The following PDE3A variants were observed in gnomAD, a reference collection of about 807,000 sequenced individuals.
PDE3A encodes cGMP-inhibited 3',5'-cyclic phosphodiesterase 3A.
In PDE3A, 43 loss-of-function variants were observed where a neutral mutation model predicts 98.3. The observed-to-expected ratio is 0.44, with a 90% CI of 0.34 to 0.56. The LOEUF (loss-of-function observed/expected upper bound fraction) is 0.56. Among genes scored for constraint, PDE3A ranks in the 20% least tolerant of loss-of-function variants. PDE3A has a pLI of 0.01. For missense variants in PDE3A, 1,427 were observed against 1,440.7 expected (o/e 0.99, Z 0.15); for synonymous variants, 663 against 567.9 (o/e 1.17, Z -2.38).
intron 1 of PDE3A, among the ~76,000 whole-genome samples, chr12:20,383,570 T>C (rs1353711030): frequency 6.6e-6 from 1 of 152,012 alleles, no homozygotes; most frequent in East Asian, 1.9e-4. Flanking sequence ...TTTCCACTTA[T>C]TGAATGATCT....
intron 15 of PDE3A, among the ~76,000 whole-genome samples, chr12:20,679,087 G>C (rs560381900): frequency 4.2e-4 from 64 of 152,276 alleles, no homozygotes; most frequent in African/African-American, 1.5e-3. Context: ...AAATCTGATG[G>C]AGTCTTTAAA....
Position 20,615,506 on chromosome 12 carries a change from G to T in PDE3A, c.1270-724G>T, listed in dbSNP as rs1943982358. Among the ~76,000 whole-genome samples the T allele has an allele frequency of 2.0e-5, 3 of 151,996 alleles. 1 individual carries two copies. The South Asian group carries it at 6.2e-4, about 32-fold the overall frequency. ...GATAATAAAGTCAATAATACTTGGGGGTATGACTGTGGTGCAAGGTGATAT... is the reference window on the plus strand; with the variant it reads ...GATAATAAAGTCAATAATACTTGGGTGTATGACTGTGGTGCAAGGTGATAT... On this transcript the variant is annotated intron_variant, in intron 3 of 15. Coordinates refer to ENST00000359062, the MANE Select transcript of PDE3A (RefSeq NM_000921.5).
chr12:20,437,268 C>T (rs1294960759), intron 1 of PDE3A, among the ~76,000 whole-genome samples: 1 of 152,058 alleles, frequency 6.6e-6, no homozygotes, highest in Non-Finnish European at 1.5e-5. Flanking sequence ...TTGTTATGGC[C>T]AGCATTTGGG....
At chr12:20,425,378 T>A (rs1944586728) in intron 1 of PDE3A, among the ~76,000 whole-genome samples, 1 of 152,324 alleles carries the variant, frequency 6.6e-6, no homozygotes. Flanking sequence ...TTAAAGAGAA[T>A]ATTTCACCTT....
In PDE3A at chr12:20,541,075, C is replaced by CTTTTTT. The variant is rs777927679; in HGVS notation, c.961-15551_961-15546dup. 2.3e-3 allele frequency among the ~76,000 whole-genome samples: 124 copies of CTTTTTT among 52,980 alleles called. 29 individuals are homozygous for CTTTTTT. Among genetic ancestry groups the CTTTTTT allele is most frequent in the East Asian group, 7.7e-3 (10 of 1,294 alleles). The allele number at this position is 52,980 out of a possible 152,430, so 34.8% of individuals were successfully genotyped here. A position where few individuals can be genotyped will look rare whatever the true frequency, so the allele number is the denominator to read the frequency against. On this transcript the variant is annotated intron_variant, in intron 1 of 15. Transcript: ENST00000359062. ...AATTGACAAGGACATTGGTAACTTT[C>CTTTTTT]TTTTTTTTTTTTTTTTTTTTTTTTT...
intron 1 of PDE3A, among the ~76,000 whole-genome samples, chr12:20,397,409 C>T (rs1407449349): frequency 1.3e-5 from 2 of 151,902 alleles, no homozygotes; most frequent in African/African-American, 2.4e-5. Context: ...GTTTTGAGCC[C>T]TTTTGGTACC....
intron 15 of PDE3A, among the ~76,000 whole-genome samples, chr12:20,656,121 CA>C (rs1945038196): frequency 6.6e-6 from 1 of 152,178 alleles, no homozygotes; most frequent in South Asian, 2.1e-4. Context: ...CTCCTAAGAA[CA>C]TAGTATGTGA....
chr12:20,580,068 A>C (rs1055351540), intron 2 of PDE3A, among the ~76,000 whole-genome samples: 2 of 152,188 alleles, frequency 1.3e-5, no homozygotes, highest in African/African-American at 4.8e-5. Flanking sequence ...AACAAACATA[A>C]ACATAAACTA....
At chr12:20,594,640 T>G (rs1466841934) in intron 2 of PDE3A, among the ~76,000 whole-genome samples, 1 of 151,972 alleles carries the variant, frequency 6.6e-6, no homozygotes, top group Non-Finnish European at 1.5e-5. Context: ...CAAACATGTC[T>G]GAAGTGCCTT....
At chr12:20,442,959 G>A (rs1365117767) in intron 1 of PDE3A, among the ~76,000 whole-genome samples, 2 of 151,844 alleles carry the variant, frequency 1.3e-5, no homozygotes, top group Non-Finnish European at 2.9e-5. Flanking sequence ...ATGCTTTGAG[G>A]GATCCTTTTT....
rs770786703 is a variant in PDE3A at position 20,556,672 on chromosome 12, T to C, written c.973T>C (p.Ser325Pro). The change falls in exon 2 of 16, where the codon TCA (serine) becomes CCA (proline). Residue 325 changes from serine to proline, a missense_variant. Around this residue, in one of 3 missense-constraint regions of PDE3A, gnomAD observed 1,012 missense variants for 886.5 expected, o/e 1.14. Coordinates refer to ENST00000359062, the MANE Select transcript of PDE3A (RefSeq NM_000921.5). ...TTCATCTTTCCAGCTCATGGGGCATTCAGAATGGGACCACAAACGAGGGCC... is the reference window on the plus strand; with the variant it reads ...TTCATCTTTCCAGCTCATGGGGCATCCAGAATGGGACCACAAACGAGGGCC... Reference protein sequence around the residue: ...CIPREQLMGHSEWDHKRGPRG... With the variant: ...CIPREQLMGHPEWDHKRGPRG... 12 of 1,602,502 alleles carry C rather than the reference T, an allele frequency of 7.5e-6. No homozygotes were observed. In the Admixed American group the frequency reaches 1.8e-4, roughly 24 times the overall value.
At chr12:20,473,801 T>C (rs1038712202) in intron 1 of PDE3A, among the ~76,000 whole-genome samples, 45 of 152,274 alleles carry the variant, frequency 3.0e-4, no homozygotes, top group African/African-American at 1.0e-3. Context: ...ACCGTGTTGA[T>C]ATGTATAATT....
intron 1 of PDE3A, among the ~76,000 whole-genome samples, chr12:20,433,039 G>T (rs1214499841): frequency 6.6e-6 from 1 of 152,152 alleles, no homozygotes; most frequent in Non-Finnish European, 1.5e-5. Context: ...ATGAAACAAT[G>T]TAATTGAAGC....
At chr12:20,451,077 C>A (rs1417695625) in intron 1 of PDE3A, among the ~76,000 whole-genome samples, 4 of 152,002 alleles carry the variant, frequency 2.6e-5, no homozygotes, top group East Asian at 1.9e-4. Context: ...CCTTTTAATC[C>A]CTTCAGATAT....
intron 1 of PDE3A, among the ~76,000 whole-genome samples, chr12:20,373,245 CT>C (rs943465913): frequency 7.7e-4 from 117 of 152,090 alleles, no homozygotes; most frequent in Non-Finnish European, 1.3e-3. Context: ...TGTCAAACTA[CT>C]TTTTTGGCTG....
At chr12:20,554,406 A>T (rs1222414149) in intron 1 of PDE3A, among the ~76,000 whole-genome samples, 4 of 119,468 alleles carry the variant, frequency 3.3e-5, no homozygotes, top group Non-Finnish European at 8.1e-5. Flanking sequence ...GATTTATTTA[A>T]TTTTTTTTTT....
chr12:20,601,229 T>TG (rs1943583555), intron 2 of PDE3A, among the ~76,000 whole-genome samples: 6 of 137,142 alleles, frequency 4.4e-5, no homozygotes, highest in Admixed American at 2.9e-4. Context: ...GCTCCAAGGC[T>TG]TTTTGTTTGT....
At chr12:20,442,331 C>A (rs2120847808) in intron 1 of PDE3A, among the ~76,000 whole-genome samples, 1 of 152,236 alleles carries the variant, frequency 6.6e-6, no homozygotes, top group Non-Finnish European at 1.5e-5. Context: ...TAATGGCTTA[C>A]AACAAAAAAG....
intron 1 of PDE3A, among the ~76,000 whole-genome samples, chr12:20,432,533 C>G (rs1944714628): frequency 6.6e-6 from 1 of 152,020 alleles, no homozygotes; most frequent in South Asian, 2.1e-4. Flanking sequence ...GATGGTTTCA[C>G]AAGTATATAT....
Sources: gnomAD v4.1 joint callset for allele counts (sites outside exome capture counted in the v4.1 genomes callset) on GRCh38, gnomAD v4.1.1 for gene constraint, gnomAD v4.1.1 regional missense constraint, MANE v1.5 for transcripts, NCBI Gene and HGNC (gene_info 2026-07-23, HGNC 2026-07-21) for gene names.